The following PAFAH2 variants were observed in gnomAD, a reference collection of about 807,000 sequenced individuals.
PAFAH2 encodes platelet-activating factor acetylhydrolase 2, cytoplasmic.
PAFAH2 carries 42 observed loss-of-function variants against 49.0 expected under a neutral mutation model. The observed-to-expected ratio is 0.86, with a 90% confidence interval of 0.67 to 1.11. The LOEUF is 1.11. Among genes scored for constraint, PAFAH2 ranks in the 50% least tolerant of loss-of-function variants. The pLI is 0.00. For synonymous variants in PAFAH2, 184 were observed against 181.3 expected (o/e 1.01, Z -0.12); for missense variants, 503 against 501.8 (o/e 1.00, Z -0.02).
chr1:25,969,856 G>A (rs1293297061), intron 10 of PAFAH2, among the ~76,000 whole-genome samples: 1 of 152,132 alleles, frequency 6.6e-6, no homozygotes, highest in Non-Finnish European at 1.5e-5. Flanking sequence ...GACAGGGGAA[G>A]GGGGCTGAGG....
At chr1:25,980,596 C>T (rs980163261) in intron 7 of PAFAH2, among the ~76,000 whole-genome samples, 12 of 145,882 alleles carry the variant, frequency 8.2e-5, no homozygotes, top group African/African-American at 1.5e-4. Context: ...CGTGAGCCAC[C>T]GCACTGGGCC....
At chr1:25,962,181 C>T (rs965526053) in intron 10 of PAFAH2, 98 bp from the exon 11 acceptor site, 8 of 905,262 alleles carry the variant, frequency 8.8e-6, no homozygotes, top group Admixed American at 2.3e-5. Context: ...GAGAGAGGAG[C>T]GCCTGGGATA....
intron 10 of PAFAH2, among the ~76,000 whole-genome samples, chr1:25,962,499 T>C (rs906442217): frequency 2.6e-5 from 4 of 151,994 alleles, no homozygotes; most frequent in African/African-American, 9.7e-5. Flanking sequence ...AGCTATTAAG[T>C]GGTAGAGACA....
intron 9 of PAFAH2, 106 bp from the exon 10 acceptor site, chr1:25,972,818 T>C: frequency 9.0e-7 from 1 of 1,105,268 alleles, no homozygotes; most frequent in Non-Finnish European, 1.3e-6. Flanking sequence ...TATCACACTT[T>C]ATTTTCACAG....
In PAFAH2 at chr1:25,961,344, G is replaced by A. The variant is rs1338837475; in HGVS notation, c.*645C>T. On this transcript the variant is annotated 3_prime_UTR_variant, in exon 11 of 11. Transcript: ENST00000374282. The stretch of plus-strand genomic sequence containing the variant: ...TCTGTGTACCTCAGTTTTTCTCCCT[G>A]TGCTGTGAGAGCCATGCTGTCTGCC... 6.6e-6 allele frequency: 1 copy of A among 152,136 alleles called. No homozygotes were observed. Among genetic ancestry groups the A allele is most frequent in the East Asian group, 1.9e-4 (1 of 5,192 alleles). The allele number at this position is 152,136 out of a possible 1,614,324, so 9.4% of individuals were successfully genotyped here.
At chr1:25,964,043 G>A (rs1363536489) in intron 10 of PAFAH2, among the ~76,000 whole-genome samples, 2 of 152,158 alleles carry the variant, frequency 1.3e-5, no homozygotes, top group African/African-American at 2.4e-5. Flanking sequence ...GGACTGGAGG[G>A]CCACATGACA....
chr1:25,988,745 G>C (rs563132266), intron 3 of PAFAH2, among the ~76,000 whole-genome samples: 3 of 142,458 alleles, frequency 2.1e-5, no homozygotes, highest in African/African-American at 7.9e-5. Context: ...GAAGGTTGCA[G>C]TGAGCTGAGA....
chr1:25,974,292 T>G (rs1424146159), intron 9 of PAFAH2, among the ~76,000 whole-genome samples, 188 bp downstream of exon 9: 1 of 152,170 alleles, frequency 6.6e-6, no homozygotes, highest in Non-Finnish European at 1.5e-5. Flanking sequence ...AATAAATCAC[T>G]GTAGATGGAG....
chr1:25,976,915 A>T, intron 7 of PAFAH2, 142 bp from the exon 8 acceptor site: 1 of 629,672 alleles, frequency 1.6e-6, no homozygotes, highest in South Asian at 1.9e-5. Flanking sequence ...CCACACTGTC[A>T]AGAATCTCTT....
intron 1 of PAFAH2, among the ~76,000 whole-genome samples, chr1:25,992,855 C>T (rs532820460): frequency 2.3e-4 from 35 of 152,046 alleles, no homozygotes; most frequent in Non-Finnish European, 3.5e-4. Context: ...ATGAAAAGTG[C>T]GCGTATGGCA....
At chr1:25,964,443 T>G (rs1181870427) in intron 10 of PAFAH2, 1 of 152,218 alleles carries the variant, frequency 6.6e-6, no homozygotes, top group Non-Finnish European at 1.5e-5. Flanking sequence ...CACTGGCTCA[T>G]GCCTATAACA....
chr1:25,962,995 G>A (rs188597868), intron 10 of PAFAH2, among the ~76,000 whole-genome samples: 4 of 152,260 alleles, frequency 2.6e-5, no homozygotes, highest in Non-Finnish European at 5.9e-5. Context: ...CTCCAGGAAT[G>A]ACTCAAGAAG....
In PAFAH2 at chr1:25,984,105, T is replaced by C. The variant is rs1272511258; in HGVS notation, c.411-18A>G. On this transcript the variant is annotated intron_variant, in intron 5 of 10. Transcript: ENST00000374282. Reference sequence around the variant, plus strand: ...ACCGGTCCCTGAAATACACACATCATCAGAGAGAAACCAGAAAACATTCTT... The same window carrying C: ...ACCGGTCCCTGAAATACACACATCACCAGAGAGAAACCAGAAAACATTCTT... The C allele has an allele frequency of 6.2e-7, 1 of 1,613,452 alleles. No homozygotes were observed. The highest frequency in any genetic ancestry group is 1.1e-5 in the South Asian group (1 of 91,050).
In PAFAH2 at chr1:25,974,485, G is replaced by A. The variant is rs199741182; in HGVS notation, c.924C>T (p.Thr308=). Residue 308 remains threonine (T), a synonymous_variant, in exon 9 of 11, where the codon ACC becomes ACT. Coordinates refer to ENST00000374282, the MANE Select transcript of PAFAH2 (RefSeq NM_000437.4). ...CAQHEQSRII[T]VLGSVHRSQT... ...CGACCTTGTGGTTTACTCACAGAAC[G>A]GTTATGATCCTAGACTGTTCATGCT... 14 of 1,604,828 alleles carry A rather than the reference G, an allele frequency of 8.7e-6. No individual in the cohort carries two copies. In the African/African-American group the frequency reaches 1.1e-4, roughly 12 times the overall value.
intron 7 of PAFAH2, among the ~76,000 whole-genome samples, chr1:25,979,731 C>G (rs981290872): frequency 2.0e-5 from 3 of 152,234 alleles, no homozygotes; most frequent in South Asian, 2.1e-4. Flanking sequence ...CTAAGGTGGT[C>G]CGCCCGCCTC....
rs146167765 is a variant in PAFAH2, at chr1:25,966,530, G to A, written c.1085-4447C>T. On this transcript the variant is annotated intron_variant, in intron 10 of 10. Transcript: ENST00000374282. ...AACAGAAAGTCAAATACCGAATGCT[G>A]TACCGAATGCTGTCACTTATAAGTG... Among the ~76,000 whole-genome samples, 719 of 152,280 alleles carry A rather than the reference G, an allele frequency of 4.7e-3. 22 individuals carry two copies. The highest frequency in any genetic ancestry group is 0.042 in the Admixed American group (636 of 15,294).
rs1182046563 is a variant in PAFAH2 at position 25,961,948 on chromosome 1, GA to G, written c.*40del. ...GGGTGCCCTTGGGTAGCTCCCAAAT[GA>G]AAACTTGGCTGAAGTGACTTTACAA... On this transcript the variant is annotated 3_prime_UTR_variant, in exon 11 of 11. Coordinates refer to ENST00000374282, the MANE Select transcript of PAFAH2 (RefSeq NM_000437.4). The G allele has an allele frequency of 6.5e-7, 1 of 1,526,944 alleles. No individual in the cohort carries two copies. The highest frequency in any genetic ancestry group is 9.1e-7 in the Non-Finnish European group (1 of 1,103,140). 94.6% of individuals were successfully genotyped at this position (1,526,944 alleles called of 1,614,324 possible).
At chr1:25,986,376 G>A (rs550567451) in intron 4 of PAFAH2, among the ~76,000 whole-genome samples, 179 of 152,272 alleles carry the variant, frequency 1.2e-3, no homozygotes, top group Admixed American at 2.1e-3. Flanking sequence ...CAGCGAGGGA[G>A]GAAATAACCC....
Position 25,965,817 on chromosome 1 carries a change from CAAAAAAAAAAAAA to C in PAFAH2, c.1085-3747_1085-3735del, listed in dbSNP as rs56272061. Among the ~76,000 whole-genome samples, 6 of 17,390 alleles carry C rather than the reference CAAAAAAAAAAAAA, an allele frequency of 3.5e-4. No homozygotes were observed. The Admixed American group carries it at 4.0e-3, about 12-fold the overall frequency. 11.4% of individuals were successfully genotyped at this position (17,390 alleles called of 152,430 possible). ...TGGGTGACAGAGCAAGACTTTGTCTCAAAAAAAAAAAAAAAAAAAAAAAAAAAGAATCTACAAG... is the reference window on the plus strand; with the variant it reads ...TGGGTGACAGAGCAAGACTTTGTCTCAAAAAAAAAAAAAAGAATCTACAAG... On this transcript the variant is annotated intron_variant, in intron 10 of 10. Transcript: ENST00000374282.
Sources: gnomAD v4.1 joint callset for allele counts (sites outside exome capture counted in the v4.1 genomes callset) on GRCh38, gnomAD v4.1.1 for gene constraint, MANE v1.5 for transcripts, NCBI Gene and HGNC (gene_info 2026-07-23, HGNC 2026-07-21) for gene names.